Variants in THAP2 observed in about 807,000 individuals in gnomAD.
THAP2 encodes the protein THAP domain containing 2, also known as THAP domain-containing protein 2.
A neutral mutation model predicts 18.8 loss-of-function variants in THAP2; 16 were observed. The ratio of observed to expected loss-of-function variants is 0.85; its 90% CI spans 0.58 to 1.29. The LOEUF (loss-of-function observed/expected upper bound fraction) is 1.29. Among genes scored for constraint, THAP2 ranks in the 50% most tolerant of loss-of-function variants. The probability of loss-of-function intolerance (pLI) is 0.00; values close to 1 mark genes in which losing one functional copy is unlikely to be tolerated. For missense variants in THAP2, 251 were observed against 265.3 expected (o/e 0.95, Z 0.38); for synonymous variants, 80 against 89.2 (o/e 0.90, Z 0.58).
chr12:71,671,184 C>G (rs554046963), intron 1 of THAP2, among the ~76,000 whole-genome samples: 1 of 152,232 alleles, frequency 6.6e-6, no homozygotes, highest in African/African-American at 2.4e-5. Flanking sequence ...TACTCTTTTT[C>G]ATTTCTCTAA....
intron 2 of THAP2, 119 bp downstream of exon 2, chr12:71,674,517 C>T: frequency 5.9e-6 from 5 of 854,206 alleles, no homozygotes; most frequent in Non-Finnish European, 8.6e-6. Context: ...TGCAGACCTT[C>T]CTCTTGTACA....
chr12:71,674,926 G>A (rs556871908), intron 2 of THAP2, among the ~76,000 whole-genome samples: 3 of 152,044 alleles, frequency 2.0e-5, no homozygotes, highest in African/African-American at 7.2e-5. Context: ...GAACAAAAAC[G>A]AGTGGGTTGA....
rs1033652853 is a variant in THAP2 at position 71,678,733 on chromosome 12, C to G, written c.*1625C>G. 1 of 152,030 alleles carries G rather than the reference C, an allele frequency of 6.6e-6. No individual in the cohort carries two copies. Among genetic ancestry groups the G allele is most frequent in the Non-Finnish European group, 1.5e-5 (1 of 67,980 alleles). The allele number at this position is 152,030 out of a possible 1,614,324, so 9.4% of individuals were successfully genotyped here. A position where few individuals can be genotyped will look rare whatever the true frequency, so the allele number is the denominator to read the frequency against. ...TTGGCTCCTAGTAACAATTCTTTTA[C>G]AGTATTAGCACTCTCTTTACTAAGG... On this transcript the variant is annotated 3_prime_UTR_variant, in exon 3 of 3. Coordinates refer to ENST00000308086, the MANE Select transcript of THAP2 (RefSeq NM_031435.4).
At chr12:71,665,589 G>A (rs1250939129) in intron 1 of THAP2, 1 of 152,182 alleles carries the variant, frequency 6.6e-6, no homozygotes, top group Middle Eastern at 3.2e-3. Context: ...ATTTAATGGT[G>A]GAGAAAGACA....
rs776220464 is a variant in THAP2 at position 71,674,240 on chromosome 12, C to T, written c.109C>T (p.Arg37Cys). 6.2e-6 allele frequency: 10 copies of T among 1,606,010 alleles called. No individual in the cohort carries two copies. Among genetic ancestry groups the T allele is most frequent in the East Asian group, 4.5e-5 (2 of 44,736 alleles). The change falls in exon 2 of 3, where the codon CGC becomes TGC. Residue 37 changes from arginine (R) to cysteine (C), a missense_variant. Coordinates refer to ENST00000308086, the MANE Select transcript of THAP2 (RefSeq NM_031435.4). ...LDPKRRKEWV[R>C]LVRRKNFVPG... is the part of the protein sequence containing the mutation. ...TCCTAAAAGAAGAAAAGAATGGGTTCGCCTGGTTAGGCGCAAAAATTTTGT... is the reference window on the plus strand; with the variant it reads ...TCCTAAAAGAAGAAAAGAATGGGTTTGCCTGGTTAGGCGCAAAAATTTTGT...
Position 71,677,034 on chromosome 12 carries a change from A to G in THAP2, c.613A>G (p.Ile205Val). The change falls in exon 3 of 3, where the codon ATC (isoleucine) becomes GTC (valine). Residue 205 changes from isoleucine (I) to valine (V), a missense_variant. By Grantham distance (29) the Ile-to-Val change is conservative. Coordinates refer to ENST00000308086, the MANE Select transcript of THAP2 (RefSeq NM_031435.4). The part of the protein sequence containing the change: ...LSSLPLEDFK[I>V]LEQDQQDKTL... Reference sequence around the variant, plus strand: ...CAGTCTTCCTTTGGAAGATTTTAAGATCCTTGAACAAGATCAACAAGATAA... The same window carrying G: ...CAGTCTTCCTTTGGAAGATTTTAAGGTCCTTGAACAAGATCAACAAGATAA... The G allele has an allele frequency of 6.2e-7, 1 of 1,613,428 alleles. No individual in the cohort carries two copies. The highest frequency in any genetic ancestry group is 8.5e-7 in the Non-Finnish European group (1 of 1,179,576).
Position 71,664,302 on chromosome 12 carries a change from G to A in THAP2, c.-208G>A, listed in dbSNP as rs1881281677. On this transcript the variant is annotated 5_prime_UTR_variant, in exon 1 of 3. Coordinates refer to ENST00000308086, the MANE Select transcript of THAP2 (RefSeq NM_031435.4). ...AGGAGGGCCAGTTCTGTGGGCTCTA[G>A]TCGGCCATATTAATAAAGAGAAAGG... 3.4e-6 allele frequency: 2 copies of A among 583,528 alleles called. No individual in the cohort carries two copies. The highest frequency in any genetic ancestry group is 4.1e-5 in the South Asian group (2 of 48,508). The allele number at this position is 583,528 out of a possible 1,614,324, so 36.1% of individuals were successfully genotyped here.
At chr12:71,668,671 T>C (rs1881383864) in intron 1 of THAP2, among the ~76,000 whole-genome samples, 1 of 152,224 alleles carries the variant, frequency 6.6e-6, no homozygotes, top group Non-Finnish European at 1.5e-5. Flanking sequence ...TACTGTGTCT[T>C]CAGTGCCTAG....
rs1053600124 is a variant in THAP2 at position 71,677,913 on chromosome 12, G to T, written c.*805G>T. The stretch of plus-strand genomic sequence containing the variant: ...CTTCAAAATTGGTGCTTCCATATTT[G>T]TTGATAACCAAAACTCCTAAGGTTT... On this transcript the variant is annotated 3_prime_UTR_variant, in exon 3 of 3. Coordinates refer to ENST00000308086, the MANE Select transcript of THAP2 (RefSeq NM_031435.4). The T allele has an allele frequency of 6.6e-6, 1 of 151,852 alleles. No individual in the cohort carries two copies. Among genetic ancestry groups the T allele is most frequent in the Admixed American group, 6.6e-5 (1 of 15,250 alleles). 9.4% of individuals were successfully genotyped at this position (151,852 alleles called of 1,614,324 possible).
At chr12:71,676,516 G>C (rs528791937) in intron 2 of THAP2, among the ~76,000 whole-genome samples, 173 bp from the exon 3 acceptor site, 1 of 152,180 alleles carries the variant, frequency 6.6e-6, no homozygotes, top group Admixed American at 6.5e-5. Context: ...AATTCAACCA[G>C]TTAAAAAACT....
At chr12:71,667,129 C>T (rs1881357246) in intron 1 of THAP2, among the ~76,000 whole-genome samples, 2 of 152,188 alleles carry the variant, frequency 1.3e-5, no homozygotes, top group Admixed American at 1.3e-4. Context: ...TTAAGTCTCC[C>T]CAGTAATCTT....
Position 71,670,842 on chromosome 12 carries a change from G to A in THAP2, c.72-3361G>A, listed in dbSNP as rs557853029. The stretch of plus-strand genomic sequence containing the variant: ...TAATCCCAGCTACTCAGGAGGCCGA[G>A]GCAGGAGAATCACTTAAACCTGGGA... On this transcript the variant is annotated intron_variant, in intron 1 of 2. Transcript: ENST00000308086. 1.4e-3 allele frequency among the ~76,000 whole-genome samples: 219 copies of A among 151,294 alleles called. 2 individuals carry two copies. The highest frequency in any genetic ancestry group is 5.1e-3 in the African/African-American group (209 of 41,096).
intron 1 of THAP2, among the ~76,000 whole-genome samples, chr12:71,669,124 C>T (rs541519830): frequency 6.6e-6 from 1 of 152,292 alleles, no homozygotes; most frequent in Admixed American, 6.5e-5. Context: ...GAGTGCTTAA[C>T]AGATACTATG....
At position 71,678,318 on chromosome 12, in the gene THAP2, A is replaced by C. The variant is rs1015672147; in HGVS notation, c.*1210A>C. The C allele has an allele frequency of 1.3e-5, 2 of 152,618 alleles. No individual in the cohort carries two copies. The allele number at this position is 152,618 out of a possible 1,614,324, so 9.5% of individuals were successfully genotyped here. A position where few individuals can be genotyped will look rare whatever the true frequency, so the allele number is the denominator to read the frequency against. ...CTCTAAAACAGCAACAACAAAAATA[A>C]AGCAACCATAGTGCATAAGGGAAAT... On this transcript the variant is annotated 3_prime_UTR_variant, in exon 3 of 3. Transcript: ENST00000308086.
intron 1 of THAP2, chr12:71,667,412 A>G (rs571625075): frequency 6.6e-6 from 1 of 152,270 alleles, no homozygotes; most frequent in African/African-American, 2.4e-5. Context: ...ATCTCTGTCT[A>G]ATGAGTTCCA....
At chr12:71,669,352 A>G (rs1318324027) in intron 1 of THAP2, among the ~76,000 whole-genome samples, 1 of 152,240 alleles carries the variant, frequency 6.6e-6, no homozygotes, top group Non-Finnish European at 1.5e-5. Flanking sequence ...TTAAGATTTG[A>G]TTCAAGGCAT....
intron 1 of THAP2, 24 bp from the exon 2 acceptor site, chr12:71,674,179 G>T (rs766858667): frequency 1.5e-5 from 23 of 1,504,174 alleles, no homozygotes; most frequent in Non-Finnish European, 1.9e-5. Flanking sequence ...GTTGGAATTT[G>T]AGTTGCATTT....
intron 1 of THAP2, among the ~76,000 whole-genome samples, chr12:71,668,554 C>T (rs1393313342): frequency 1.3e-5 from 2 of 152,136 alleles, no homozygotes; most frequent in African/African-American, 4.8e-5. Flanking sequence ...GGTTTGAGTC[C>T]AGAGACAGTG....
At position 71,676,769 on chromosome 12, in the gene THAP2, T is replaced by A; in HGVS notation, c.348T>A (p.Ser116Arg). 6.2e-7 allele frequency: 1 copy of A among 1,612,708 alleles called. No individual in the cohort carries two copies. Among genetic ancestry groups the A allele is most frequent in the Non-Finnish European group, 8.5e-7 (1 of 1,179,326 alleles). ...CATCTAATTTAAAATCAAACATTAG[T>A]AGTCAGCAAGTACTACTTGAACACA... ...AGPSNLKSNI[S>R]SQQVLLEHSY... Residue 116 changes from serine (S) to arginine (R), a missense_variant, in exon 3 of 3, where the codon AGT becomes AGA. Physicochemically the swap from Ser to Arg is moderately radical, Grantham distance 110. Coordinates refer to ENST00000308086, the MANE Select transcript of THAP2 (RefSeq NM_031435.4).
Sources: allele counts gnomAD v4.1 joint callset (sites outside exome capture counted in the v4.1 genomes callset), GRCh38; gene constraint gnomAD v4.1.1; transcripts MANE v1.5; gene names NCBI Gene and HGNC (gene_info 2026-07-23, HGNC 2026-07-21).